Variants in B4GALT1 observed in about 807,000 individuals in gnomAD.
The protein encoded by B4GALT1 is beta-1,4-galactosyltransferase 1, also known as N-acetyllactosamine synthase.
A neutral mutation model predicts 34.9 loss-of-function variants in B4GALT1; 16 were observed. The observed-to-expected ratio is 0.46, with a 90% CI of 0.31 to 0.70. B4GALT1 has a LOEUF of 0.70. B4GALT1 is among the 30% of genes least tolerant of loss of function. B4GALT1 has a pLI of 0.05. For missense variants in B4GALT1, 445 were observed against 530.5 expected (o/e 0.84, Z 1.58); for synonymous variants, 221 against 218.1 (o/e 1.01, Z -0.12).
intron 1 of B4GALT1, among the ~76,000 whole-genome samples, chr9:33,148,699 AT>A (rs1840463854): frequency 6.6e-6 from 1 of 151,960 alleles, no homozygotes; most frequent in African/African-American, 2.4e-5. Flanking sequence ...TCTAATTATG[AT>A]TCTCTACTAA....
At chr9:33,157,307 C>T (rs1840610825) in intron 1 of B4GALT1, among the ~76,000 whole-genome samples, 1 of 152,170 alleles carries the variant, frequency 6.6e-6, no homozygotes, top group Non-Finnish European at 1.5e-5. Context: ...TCAGTATTGT[C>T]AAGATGACCA....
chr9:33,173,854 CA>C, the B4GALT1 span, among the ~76,000 whole-genome samples: 3 of 151,910 alleles, frequency 2.0e-5, no homozygotes, highest in Admixed American at 1.3e-4. Context: ...CAAAAAGACA[CA>C]GAAATCAGTT....
chr9:33,137,524 G>A (rs1840288566), intron 1 of B4GALT1, among the ~76,000 whole-genome samples: 1 of 152,172 alleles, frequency 6.6e-6, no homozygotes, highest in South Asian at 2.1e-4. Context: ...AAAGTGAGCA[G>A]GCACTGTGCT....
chr9:33,164,640 T>C (rs1840721720), intron 1 of B4GALT1, among the ~76,000 whole-genome samples: 1 of 152,172 alleles, frequency 6.6e-6, no homozygotes, highest in Non-Finnish European at 1.5e-5. Context: ...AGCAACACCA[T>C]TACAAAACAA....
the B4GALT1 span, among the ~76,000 whole-genome samples, chr9:33,176,598 G>T: frequency 5.8e-4 from 89 of 152,262 alleles, no homozygotes; most frequent in Admixed American, 5.8e-3. Context: ...GCAAATTAAT[G>T]CAGGAACAGA....
intron 2 of B4GALT1, among the ~76,000 whole-genome samples, chr9:33,132,128 A>G (rs1840201731): frequency 6.7e-6 from 1 of 148,980 alleles, no homozygotes; most frequent in South Asian, 2.1e-4. Flanking sequence ...AAAAGCAAAG[A>G]AAAAAAAAAG....
At chr9:33,167,344 A>G (rs1386081520), upstream of B4GALT1, 7 of 805,900 alleles carry the variant, frequency 8.7e-6, no homozygotes, top group African/African-American at 1.1e-4. Flanking sequence ...AGCGGCGAGA[A>G]GCCGCCCGAG....
At position 33,116,123 on chromosome 9, in the gene B4GALT1, A is replaced by G. The variant is rs749540740; in HGVS notation, c.837-10T>C. The G allele has an allele frequency of 1.9e-6, 3 of 1,612,166 alleles. No individual in the cohort carries two copies. The Admixed American group carries it at 5.0e-5, about 27-fold the overall frequency. On this transcript the variant is annotated splice_polypyrimidine_tract_variant and intron_variant, in intron 3 of 5. Transcript: ENST00000379731. ...CTGAACATAAGGTAGGCTGGAGGAA[A>G]AACATACACACAGAAGGAGCAGTGG...
At chr9:33,115,893 C>T (rs1839931109) in intron 4 of B4GALT1, 98 bp downstream of exon 4, 2 of 1,490,258 alleles carry the variant, frequency 1.3e-6, no homozygotes, top group Admixed American at 1.7e-5. Context: ...GGGTGCATCC[C>T]ATCTGAGGGT....
chr9:33,113,650 C>A, intron 5 of B4GALT1, 64 bp from the exon 6 acceptor site: 1 of 1,610,908 alleles, frequency 6.2e-7, no homozygotes, highest in Middle Eastern at 1.7e-4. Context: ...AATCATCACA[C>A]GTACTTCCTC....
intron 3 of B4GALT1, among the ~76,000 whole-genome samples, chr9:33,117,947 C>A (rs750246786): frequency 6.6e-6 from 1 of 152,194 alleles, no homozygotes; most frequent in African/African-American, 2.4e-5. Flanking sequence ...TTTGGTTTTG[C>A]TGTCTCTGCT....
intron 2 of B4GALT1, among the ~76,000 whole-genome samples, chr9:33,132,660 C>T (rs144507089): frequency 6.6e-6 from 1 of 152,270 alleles, no homozygotes; most frequent in East Asian, 1.9e-4. Context: ...CAGAAATCTA[C>T]TGTGTTGAGC....
upstream of B4GALT1, among the ~76,000 whole-genome samples, chr9:33,169,564 A>T (rs1213442470): frequency 7.0e-6 from 1 of 143,290 alleles, no homozygotes; most frequent in African/African-American, 2.7e-5. Context: ...TTTGTCCCCC[A>T]GGTTGGAGTG....
intron 1 of B4GALT1, among the ~76,000 whole-genome samples, chr9:33,137,865 C>T (rs992614251): frequency 1.3e-5 from 2 of 152,184 alleles, no homozygotes; most frequent in African/African-American, 2.4e-5. Flanking sequence ...GCCCAACACC[C>T]AACCCTGGGC....
chr9:33,174,872 G>A, the B4GALT1 span, among the ~76,000 whole-genome samples: 4 of 141,384 alleles, frequency 2.8e-5, no homozygotes, highest in Non-Finnish European at 6.1e-5. Context: ...CAGGAGAATC[G>A]CTTGAACCTG....
chr9:33,170,705 A>G (rs1296393727), upstream of B4GALT1, among the ~76,000 whole-genome samples: 2 of 152,228 alleles, frequency 1.3e-5, no homozygotes, highest in African/African-American at 4.8e-5. Flanking sequence ...ACAGGCACCT[A>G]GAAGCAGTCA....
chr9:33,108,063 C>T (rs1026677748), downstream of B4GALT1, among the ~76,000 whole-genome samples: 4 of 152,236 alleles, frequency 2.6e-5, no homozygotes, highest in Admixed American at 2.6e-4. Context: ...TATGTCAACA[C>T]ATATGCCCAC....
chr9:33,171,099 C>T (rs994531564), upstream of B4GALT1, among the ~76,000 whole-genome samples: 3 of 152,180 alleles, frequency 2.0e-5, no homozygotes, highest in Non-Finnish European at 4.4e-5. Flanking sequence ...AAATAGTGCC[C>T]GGCACATGGT....
intron 1 of B4GALT1, among the ~76,000 whole-genome samples, chr9:33,139,328 G>A (rs982416746): frequency 1.3e-5 from 2 of 152,098 alleles, no homozygotes; most frequent in African/African-American, 4.8e-5. Context: ...GCTCTGTGCA[G>A]AGCTTTATCA....
Sources: allele counts gnomAD v4.1 joint callset (sites outside exome capture counted in the v4.1 genomes callset), GRCh38; gene constraint gnomAD v4.1.1; transcripts MANE v1.5; gene names NCBI Gene and HGNC (gene_info 2026-07-23, HGNC 2026-07-21).